The following ITGAX variants were observed in gnomAD, a reference collection of about 807,000 sequenced individuals.
The protein encoded by ITGAX is integrin alpha-X.
In ITGAX, 99 loss-of-function variants were observed where a neutral mutation model predicts 140.2. The observed-to-expected ratio is 0.71, with a 90% CI of 0.60 to 0.83. ITGAX has a LOEUF of 0.83. Among genes scored for constraint, ITGAX ranks in the 40% least tolerant of loss-of-function variants. The pLI, the probability that ITGAX is intolerant of heterozygous loss-of-function variation, is 0.00. For synonymous variants in ITGAX, 631 were observed against 600.4 expected, an observed-to-expected ratio of 1.05 and a Z score of -0.75; for missense variants, 1,444 against 1,482.0, an observed-to-expected ratio of 0.97 and a Z score of 0.42.
intron 19 of ITGAX, among the ~76,000 whole-genome samples, 191 bp downstream of exon 19, chr16:31,372,861 A>C (rs1190902610): frequency 6.6e-6 from 1 of 152,024 alleles, no homozygotes; most frequent in East Asian, 1.9e-4. Flanking sequence ...TTTTGAGGCC[A>C]GGAGTTAGGG....
At chr16:31,360,120 G>A (rs2142486668) in intron 7 of ITGAX, 55 bp downstream of exon 7, 1 of 1,597,876 alleles carries the variant, frequency 6.3e-7, no homozygotes. Flanking sequence ...CTTCCCTTGG[G>A]CCTCATCTGT....
intron 1 of ITGAX, 100 bp downstream of exon 1, chr16:31,355,391 G>T: frequency 7.7e-7 from 1 of 1,292,856 alleles, no homozygotes; most frequent in Non-Finnish European, 1.1e-6. Context: ...ATCTGGGTAG[G>T]AAGAGAGACT....
Position 31,356,726 on chromosome 16 carries a change from A to C in ITGAX, c.245A>C (p.Gln82Pro). 6.3e-7 allele frequency: 1 copy of C among 1,580,216 alleles called. No individual in the cohort carries two copies. The highest frequency in any genetic ancestry group is 8.6e-7 in the Non-Finnish European group (1 of 1,163,746). ...STGACEPIGL[Q>P]VPPEAVNMSL... The stretch of plus-strand genomic sequence containing the variant: ...GGTGCCTGTGAGCCCATCGGCCTGC[A>C]GGGTGAGTCACCGCCCCTCCCGGGA... The change falls in exon 3 of 30, where the codon CAG becomes CCG. Residue 82 changes from glutamine to proline, a missense_variant and splice_region_variant. Coordinates refer to ENST00000268296, the MANE Select transcript of ITGAX (RefSeq NM_000887.5).
intron 20 of ITGAX, among the ~76,000 whole-genome samples, chr16:31,376,170 T>C (rs1006946520): frequency 1.3e-5 from 2 of 152,226 alleles, no homozygotes; most frequent in Non-Finnish European, 2.9e-5. Context: ...GATGGTTATA[T>C]GGGGTTGATT....
rs563019206 is a variant in ITGAX, at chr16:31,368,150, T to G, written c.1711-2934T>G. Reference sequence around the variant, plus strand: ...TTCTTACAGATGAGGAAAGAAAGTGTTTTTTTTTTTTTTCAGATGGAATCT... The same window carrying G: ...TTCTTACAGATGAGGAAAGAAAGTGGTTTTTTTTTTTTTCAGATGGAATCT... On this transcript the variant is annotated intron_variant, in intron 14 of 29. Transcript: ENST00000268296. Among the ~76,000 whole-genome samples the G allele has an allele frequency of 9.8e-5, 4 of 40,866 alleles. No individual in the cohort carries two copies. In the East Asian group the frequency reaches 1.7e-3, roughly 17 times the overall value. The allele number at this position is 40,866 out of a possible 152,430, so 26.8% of individuals were successfully genotyped here.
chr16:31,373,898 T>A (rs1400861897), intron 20 of ITGAX, among the ~76,000 whole-genome samples: 1 of 152,212 alleles, frequency 6.6e-6, no homozygotes, highest in Non-Finnish European at 1.5e-5. Flanking sequence ...CAGTAAAACT[T>A]TATAAAAATA....
intron 20 of ITGAX, among the ~76,000 whole-genome samples, chr16:31,375,296 G>T (rs779400613): frequency 6.6e-6 from 1 of 152,202 alleles, no homozygotes; most frequent in Non-Finnish European, 1.5e-5. Flanking sequence ...GATTACAGGC[G>T]TAAGCCACGG....
intron 20 of ITGAX, among the ~76,000 whole-genome samples, chr16:31,373,888 C>T (rs1184573990): frequency 6.6e-6 from 1 of 152,212 alleles, no homozygotes; most frequent in Non-Finnish European, 1.5e-5. Context: ...ACCTGCGATG[C>T]AGTAAAACTT....
intron 14 of ITGAX, among the ~76,000 whole-genome samples, chr16:31,369,175 T>G (rs544629937): frequency 1.3e-5 from 2 of 150,956 alleles, no homozygotes; most frequent in African/African-American, 2.4e-5. Context: ...CACTTCCCAG[T>G]AGGGGCGGCC....
At chr16:31,378,572 C>T (rs569281005) in intron 23 of ITGAX, among the ~76,000 whole-genome samples, 3 of 151,322 alleles carry the variant, frequency 2.0e-5, no homozygotes, top group East Asian at 2.0e-4. Flanking sequence ...TGGGCTCAAG[C>T]GAGCCTCCCA....
intron 14 of ITGAX, among the ~76,000 whole-genome samples, chr16:31,365,740 T>A (rs1269578658): frequency 6.6e-6 from 1 of 152,148 alleles, no homozygotes; most frequent in Non-Finnish European, 1.5e-5. Context: ...CTGGCCAACA[T>A]GGGGAAACCC....
chr16:31,370,902 G>A (rs1597075752), intron 14 of ITGAX, among the ~76,000 whole-genome samples, 182 bp from the exon 15 acceptor site: 1 of 152,082 alleles, frequency 6.6e-6, no homozygotes, highest in Non-Finnish European at 1.5e-5. Flanking sequence ...TCTTACATCT[G>A]TTTCTTAGCA....
chr16:31,376,950 GC>G (rs995968730), intron 21 of ITGAX, 35 bp downstream of exon 21: 1 of 1,613,410 alleles, frequency 6.2e-7, no homozygotes, highest in Non-Finnish European at 8.5e-7. Flanking sequence ...CTGCTCCCCT[GC>G]CCCACCCTGT....
Position 31,381,817 on chromosome 16 carries a change from G to A in ITGAX, c.3402G>A (p.Lys1134=), listed in dbSNP as rs777712184. ...CTCCCCCCTAGGTTGGCTTCTTCAA[G>A]CGTCAGTACAAGGAAATGATGGAGG... ...TAVLYKVGFF[K]RQYKEMMEEA... The change falls in exon 30 of 30, where the codon AAG becomes AAA. Residue 1134 remains lysine, a synonymous_variant. Transcript: ENST00000268296. The A allele has an allele frequency of 1.1e-6, 1 of 872,830 alleles. No individual in the cohort carries two copies. The allele number at this position is 872,830 out of a possible 1,614,324, so 54.1% of individuals were successfully genotyped here.
rs1337370287 is a variant in ITGAX at position 31,372,365 on chromosome 16, GCCCGTCCC to G, written c.2161-10_2161-3del. The stretch of plus-strand genomic sequence containing the variant: ...CCCCTTACCCTCCGCTCCCCGCGAC[GCCCGTCCC>G]CCAGAGCTGCGTGGAGGACTCTGTG... On this transcript the variant is annotated splice_region_variant and splice_polypyrimidine_tract_variant and intron_variant, in intron 17 of 29. Coordinates refer to ENST00000268296, the MANE Select transcript of ITGAX (RefSeq NM_000887.5). 1 of 1,590,446 alleles carries G rather than the reference GCCCGTCCC, an allele frequency of 6.3e-7. No individual in the cohort carries two copies. Among genetic ancestry groups the G allele is most frequent in the African/African-American group, 1.4e-5 (1 of 72,960 alleles).
intron 2 of ITGAX, chr16:31,356,260 A>G (rs2142476774): frequency 4.2e-6 from 2 of 471,944 alleles, no homozygotes; most frequent in Non-Finnish European, 7.5e-6. Flanking sequence ...CAGTCGTGCA[A>G]CAAACACTTA....
chr16:31,368,760 C>T (rs948027887), intron 14 of ITGAX, among the ~76,000 whole-genome samples: 6 of 151,830 alleles, frequency 4.0e-5, no homozygotes, highest in African/African-American at 1.2e-4. Context: ...TGCGGCCTTC[C>T]GCAGTGTTTG....
intron 15 of ITGAX, 36 bp downstream of exon 15, chr16:31,371,250 T>C (rs1334801616): frequency 5.0e-6 from 8 of 1,604,244 alleles, no homozygotes; most frequent in East Asian, 2.2e-5. Context: ...CCCCAGGTGG[T>C]CCTAGGTTCA....
At chr16:31,372,047 G>A (rs1186271527) in intron 17 of ITGAX, among the ~76,000 whole-genome samples, 1 of 152,200 alleles carries the variant, frequency 6.6e-6, no homozygotes, top group Non-Finnish European at 1.5e-5. Context: ...GCTTCCGGCT[G>A]GGCTTTTTTT....
Sources: allele counts gnomAD v4.1 joint callset (sites outside exome capture counted in the v4.1 genomes callset), GRCh38; gene constraint gnomAD v4.1.1; transcripts MANE v1.5; gene names NCBI Gene and HGNC (gene_info 2026-07-23, HGNC 2026-07-21).